The following LGR5 variants were observed in gnomAD, a reference collection of about 807,000 sequenced individuals.
LGR5 encodes leucine rich repeat containing G protein-coupled receptor 5, also known as leucine-rich repeat-containing G protein-coupled receptor 5.
In LGR5, 54 loss-of-function variants were observed where a neutral mutation model predicts 76.7. That is an observed-to-expected ratio of 0.70 (90% CI 0.57 to 0.88). The LOEUF is 0.88. LGR5 is among the 40% of genes least tolerant of loss of function. The pLI is 0.00. For synonymous variants in LGR5, 406 were observed against 421.9 expected, an observed-to-expected ratio of 0.96 and a Z score of 0.46; for missense variants, 1,078 against 1,073.3, an observed-to-expected ratio of 1.00 and a Z score of -0.06.
intron 13 of LGR5, among the ~76,000 whole-genome samples, chr12:71,575,684 C>A (rs1165065791): frequency 6.6e-6 from 1 of 151,816 alleles, no homozygotes; most frequent in Non-Finnish European, 1.5e-5. Context: ...GCCCTCCAAC[C>A]TGGGCGACAG....
rs573160319 is a variant in LGR5, at chr12:71,446,694, T to C, written c.212+6402T>C. ...CATTTTAATTGGTGCTGAAATGTTTTGGCCCATTTTTCTTTTCAGGAACAC... is the reference window on the plus strand; with the variant it reads ...CATTTTAATTGGTGCTGAAATGTTTCGGCCCATTTTTCTTTTCAGGAACAC... On this transcript the variant is annotated intron_variant, in intron 1 of 17. Coordinates refer to ENST00000266674, the MANE Select transcript of LGR5 (RefSeq NM_003667.4). 2.6e-5 allele frequency among the ~76,000 whole-genome samples: 4 copies of C among 152,364 alleles called. No individual in the cohort carries two copies. The East Asian group carries it at 7.7e-4, about 29-fold the overall frequency.
chr12:71,510,219 C>A (rs1017474787), intron 2 of LGR5, among the ~76,000 whole-genome samples: 1 of 152,212 alleles, frequency 6.6e-6, no homozygotes, highest in African/African-American at 2.4e-5. Context: ...CTTCATAGAT[C>A]TGCCCATTGA....
chr12:71,512,279 C>T (rs1008268782), intron 2 of LGR5, among the ~76,000 whole-genome samples: 1 of 152,166 alleles, frequency 6.6e-6, no homozygotes, highest in African/African-American at 2.4e-5. Context: ...AGTGAGCCAC[C>T]GCGCCTAGCC....
intron 13 of LGR5, among the ~76,000 whole-genome samples, chr12:71,573,249 T>C (rs565322667): frequency 2.0e-5 from 3 of 152,318 alleles, no homozygotes; most frequent in African/African-American, 7.2e-5. Flanking sequence ...GATGATCACA[T>C]AATTCTATCT....
intron 4 of LGR5, 32 bp from the exon 5 acceptor site, chr12:71,553,040 CT>C (rs1184934443): frequency 6.2e-6 from 10 of 1,601,148 alleles, no homozygotes; most frequent in Non-Finnish European, 8.5e-6. Flanking sequence ...GGGCTTTGCT[CT>C]CTTTTCCATT....
Position 71,583,922 on chromosome 12 carries a change from C to A in LGR5, c.1912C>A (p.His638Asn). The stretch of plus-strand genomic sequence containing the variant: ...CTGGTGGGAGAATGGGGTTGGTTGC[C>A]ATGTCATTGGTTTTTTGTCCATTTT... Reference protein sequence around the residue: ...GAWWENGVGCHVIGFLSIFAS... With the variant: ...GAWWENGVGCNVIGFLSIFAS... The change falls in exon 18 of 18, where the codon CAT becomes AAT. Residue 638 changes from histidine (H) to asparagine (N), a missense_variant. Transcript: ENST00000266674. The A allele has an allele frequency of 6.2e-7, 1 of 1,614,134 alleles. No homozygotes were observed. Among genetic ancestry groups the A allele is most frequent in the Non-Finnish European group, 8.5e-7 (1 of 1,180,024 alleles).
At chr12:71,495,728 A>G (rs545169880) in intron 1 of LGR5, among the ~76,000 whole-genome samples, 2 of 151,570 alleles carry the variant, frequency 1.3e-5, no homozygotes, top group East Asian at 1.9e-4. Flanking sequence ...AAGACAAAAT[A>G]TCTACAGAAT....
intron 1 of LGR5, among the ~76,000 whole-genome samples, chr12:71,502,972 A>G (rs1216113977): frequency 6.6e-6 from 1 of 152,198 alleles, no homozygotes; most frequent in Non-Finnish European, 1.5e-5. Flanking sequence ...TCTCCACACC[A>G]TATGTCTTGA....
chr12:71,480,217 A>G (rs2137258440), intron 1 of LGR5, among the ~76,000 whole-genome samples: 1 of 151,842 alleles, frequency 6.6e-6, no homozygotes, highest in Non-Finnish European at 1.5e-5. Context: ...TACAAAAATT[A>G]CCCGGATGTG....
intron 1 of LGR5, among the ~76,000 whole-genome samples, chr12:71,456,207 C>T (rs554367171): frequency 1.3e-4 from 20 of 152,070 alleles, no homozygotes; most frequent in East Asian, 5.8e-4. Context: ...CACATAAAGA[C>T]GGGGGAGAAA....
chr12:71,447,598 G>C (rs1158045820), intron 1 of LGR5, among the ~76,000 whole-genome samples: 1 of 151,962 alleles, frequency 6.6e-6, no homozygotes, highest in Non-Finnish European at 1.5e-5. Flanking sequence ...TATCCTTCTT[G>C]CCTTCAGAAG....
chr12:71,529,616 C>G (rs1481647689), intron 3 of LGR5, among the ~76,000 whole-genome samples: 1 of 152,122 alleles, frequency 6.6e-6, no homozygotes, highest in African/African-American at 2.4e-5. Context: ...TACAGAATGG[C>G]TTTTGATCAC....
chr12:71,519,528 G>A (rs1033494648), intron 2 of LGR5, among the ~76,000 whole-genome samples: 6 of 152,016 alleles, frequency 3.9e-5, no homozygotes, highest in Admixed American at 2.0e-4. Context: ...AGCCGGGCAC[G>A]GTGGCTCATG....
intron 2 of LGR5, among the ~76,000 whole-genome samples, chr12:71,523,618 C>T (rs766486465): frequency 1.3e-4 from 20 of 152,208 alleles, no homozygotes; most frequent in Non-Finnish European, 2.6e-4. Flanking sequence ...TTCATTTTGT[C>T]CTTTAGTATA....
intron 11 of LGR5, among the ~76,000 whole-genome samples, chr12:71,570,140 C>G (rs1878535998): frequency 6.6e-6 from 1 of 151,740 alleles, no homozygotes; most frequent in African/African-American, 2.4e-5. Flanking sequence ...AGAAACCACA[C>G]TTAACTGGGC....
chr12:71,579,871 C>A (rs1025636889), intron 15 of LGR5, among the ~76,000 whole-genome samples: 11 of 152,158 alleles, frequency 7.2e-5, no homozygotes, highest in African/African-American at 2.7e-4. Flanking sequence ...TACTTCTTTC[C>A]AAGCTTTGTT....
At chr12:71,577,324 G>A (rs1278940514) in intron 13 of LGR5, among the ~76,000 whole-genome samples, 1 of 152,284 alleles carries the variant, frequency 6.6e-6, no homozygotes, top group East Asian at 1.9e-4. Context: ...TCCATGGGAA[G>A]TGAATTTTAT....
intron 4 of LGR5, among the ~76,000 whole-genome samples, chr12:71,546,788 T>G (rs751102682): frequency 6.6e-6 from 1 of 152,150 alleles, no homozygotes; most frequent in Non-Finnish European, 1.5e-5. Flanking sequence ...GAGAAACACT[T>G]TCATGCAAAC....
Position 71,535,138 on chromosome 12 carries a change from G to C in LGR5, c.380G>C (p.Arg127Thr), listed in dbSNP as rs577749360. The C allele has an allele frequency of 1.2e-6, 2 of 1,611,930 alleles. No homozygotes were observed. The highest frequency in any genetic ancestry group is 1.7e-5 in the Admixed American group (1 of 59,972). ...KVLMLQNNQL[R>T]HVPTEALQNL... Reference sequence around the variant, plus strand: ...AGTATGCTGCAGAATAATCAGCTAAGACACGTACCCACAGAAGCTCTGCAG... The same window carrying C: ...AGTATGCTGCAGAATAATCAGCTAACACACGTACCCACAGAAGCTCTGCAG... The change falls in exon 4 of 18, where the codon AGA becomes ACA. Residue 127 changes from arginine (R) to threonine (T), a missense_variant. Transcript: ENST00000266674.
Sources: allele counts gnomAD v4.1 joint callset (sites outside exome capture counted in the v4.1 genomes callset), GRCh38; gene constraint gnomAD v4.1.1; transcripts MANE v1.5; gene names NCBI Gene and HGNC (gene_info 2026-07-23, HGNC 2026-07-21).